Variants in DUSP16 observed in about 807,000 individuals in gnomAD.
DUSP16 encodes dual specificity phosphatase 16.
A neutral mutation model predicts 58.3 loss-of-function variants in DUSP16; 21 were observed. That is an observed-to-expected ratio of 0.36 (90% CI 0.26 to 0.52). The LOEUF is 0.52. Ranked by LOEUF, DUSP16 falls within the 20% of genes least tolerant of loss-of-function variation. The probability of loss-of-function intolerance (pLI) is 0.94; values close to 1 mark genes in which losing one functional copy is unlikely to be tolerated. For synonymous variants in DUSP16, 320 were observed against 323.8 expected, an observed-to-expected ratio of 0.99 and a Z score of 0.12; for missense variants, 726 against 819.0, an observed-to-expected ratio of 0.89 and a Z score of 1.39.
chr12:12,474,347 A>G lies in DUSP16; in HGVS notation c.*2486T>C, dbSNP rs1337696293. Reference sequence around the variant, plus strand: ...GCTGGCCTTACTTCAAAAGAACACTATATTCATATTAAACATTTACAGTCT... The same window carrying G: ...GCTGGCCTTACTTCAAAAGAACACTGTATTCATATTAAACATTTACAGTCT... On this transcript the variant is annotated 3_prime_UTR_variant, in exon 7 of 7. Coordinates refer to ENST00000298573, the MANE Select transcript of DUSP16 (RefSeq NM_030640.3). The G allele has an allele frequency of 3.9e-5, 6 of 152,254 alleles. No homozygotes were observed. Among genetic ancestry groups the G allele is most frequent in the Non-Finnish European group, 8.8e-5 (6 of 68,042 alleles). 9.4% of individuals were successfully genotyped at this position (152,254 alleles called of 1,614,324 possible).
rs754759731 is a variant in DUSP16, at chr12:12,477,743, ACGC to A, written c.1085_1087del (p.Ser362_Val363delinsMet). The A allele has an allele frequency of 3.2e-6, 5 of 1,542,988 alleles. No homozygotes were observed. Among genetic ancestry groups the A allele is most frequent in the South Asian group, 2.9e-5 (2 of 70,086 alleles). On this transcript the variant is annotated inframe_deletion, in exon 7 of 7. Coordinates refer to ENST00000298573, the MANE Select transcript of DUSP16 (RefSeq NM_030640.3). The surrounding 1 kb of genome is among the most constrained non-coding windows in gnomAD (Gnocchi z 4.1). ...TAACAGCGACGGCTGCACGCTGGGC[ACGC>A]TGGGCACGCTGGCGGGATGCACGGG...
intron 1 of DUSP16, among the ~76,000 whole-genome samples, chr12:12,537,644 C>G (rs534566162): frequency 6.6e-6 from 1 of 152,266 alleles, no homozygotes; most frequent in South Asian, 2.1e-4. Context: ...GGCATAGACC[C>G]TAAAAATATG....
chr12:12,547,787 A>G (rs1944668620), intron 1 of DUSP16, among the ~76,000 whole-genome samples: 1 of 152,222 alleles, frequency 6.6e-6, no homozygotes, highest in Non-Finnish European at 1.5e-5. Context: ...GCTGGCAACA[A>G]AGATTTCTCA....
intron 1 of DUSP16, among the ~76,000 whole-genome samples, chr12:12,539,830 C>T (rs904418381): frequency 3.2e-4 from 48 of 151,368 alleles, no homozygotes; most frequent in African/African-American, 1.2e-3. Context: ...GCAGGTGGAC[C>T]ATTTGAGGTC....
intron 4 of DUSP16, among the ~76,000 whole-genome samples, chr12:12,497,450 C>T (rs1389823113): frequency 6.6e-6 from 1 of 152,086 alleles, no homozygotes; most frequent in Non-Finnish European, 1.5e-5. Context: ...ATTACAGCAG[C>T]CTCGGTTTAC....
intron 1 of DUSP16, chr12:12,560,739 A>G (rs1387252916): frequency 6.6e-6 from 1 of 152,224 alleles, no homozygotes; most frequent in Admixed American, 6.5e-5. Context: ...TTCAATTGGT[A>G]CGAAATCTTT....
chr12:12,520,254 T>G (rs540701022), intron 2 of DUSP16, among the ~76,000 whole-genome samples: 1 of 152,218 alleles, frequency 6.6e-6, no homozygotes, highest in Non-Finnish European at 1.5e-5. Context: ...TATAAAATGG[T>G]AAAGTTCATA....
chr12:12,503,073 T>A (rs902478655), intron 3 of DUSP16, among the ~76,000 whole-genome samples: 13 of 102 alleles, frequency 0.13, no homozygotes, highest in African/African-American at 0.24. Flanking sequence ...GTCAAGTTAC[T>A]TAAGCCCCTC....
In DUSP16 at chr12:12,496,371, C is replaced by G. The variant is rs540282299; in HGVS notation, c.531+4148G>C. On this transcript the variant is annotated intron_variant, in intron 4 of 6. Coordinates refer to ENST00000298573, the MANE Select transcript of DUSP16 (RefSeq NM_030640.3). ...TTGTTGCCTAACTCTTCTAAGAAAA[C>G]AACAGAGAATGTAGCAGTCAGTCTT... Among the ~76,000 whole-genome samples, 14 of 152,274 alleles carry G rather than the reference C, an allele frequency of 9.2e-5. No individual in the cohort carries two copies. The South Asian group carries it at 2.7e-3, about 29-fold the overall frequency.
At chr12:12,557,406 G>C (rs555264255) in intron 1 of DUSP16, among the ~76,000 whole-genome samples, 1 of 149,250 alleles carries the variant, frequency 6.7e-6, no homozygotes, top group Non-Finnish European at 1.5e-5. Context: ...GCAGAAAGCC[G>C]AGATGGCGCC....
At chr12:12,490,156 G>A (rs1031733383) in intron 4 of DUSP16, among the ~76,000 whole-genome samples, 7 of 152,120 alleles carry the variant, frequency 4.6e-5, no homozygotes, top group Admixed American at 2.0e-4. Context: ...GGCCTCAAGC[G>A]ATCCTCCTAC....
chr12:12,487,057 G>T lies in DUSP16; in HGVS notation c.662C>A (p.Pro221Gln). 1 of 1,613,976 alleles carries T rather than the reference G, an allele frequency of 6.2e-7. No homozygotes were observed. The highest frequency in any genetic ancestry group is 1.1e-5 in the South Asian group (1 of 91,042). ...VNDSFCEKILPWLDKSVDFIE... is the reference protein window; with the variant it reads ...VNDSFCEKILQWLDKSVDFIE... The stretch of plus-strand genomic sequence containing the variant: ...GAAATCTACTGATTTGTCCAACCAC[G>T]GCAAAATTTTCTCACAAAAGCTGTC... The change falls in exon 5 of 7, where the codon CCG (proline) becomes CAG (glutamine). Residue 221 changes from proline to glutamine, a missense_variant. Transcript: ENST00000298573.
At chr12:12,500,774 C>T (rs1304869399) in intron 3 of DUSP16, 92 bp from the exon 4 acceptor site, 8 of 1,201,532 alleles carry the variant, frequency 6.7e-6, no homozygotes, top group African/African-American at 6.3e-5. Context: ...TTTAAACCCA[C>T]GAATCCAAGT....
chr12:12,537,259 GA>G (rs1944480716), intron 1 of DUSP16, among the ~76,000 whole-genome samples: 1 of 152,136 alleles, frequency 6.6e-6, no homozygotes, highest in Admixed American at 6.5e-5. Context: ...AAACCTAAAT[GA>G]ATTTTAATAC....
intron 4 of DUSP16, among the ~76,000 whole-genome samples, chr12:12,492,566 A>G (rs959982533): frequency 3.9e-5 from 6 of 152,034 alleles, no homozygotes; most frequent in African/African-American, 1.5e-4. Context: ...CCTACCTGCA[A>G]TCAAACAAAC....
rs904994904 is a variant in DUSP16 at position 12,511,673 on chromosome 12, TTC to T, written c.367+8187_367+8188del. Among the ~76,000 whole-genome samples the T allele has an allele frequency of 1.7e-4, 26 of 152,152 alleles. 1 individual carries two copies. Among genetic ancestry groups the T allele is most frequent in the African/African-American group, 6.3e-4 (26 of 41,432 alleles). On this transcript the variant is annotated intron_variant, in intron 3 of 6. Transcript: ENST00000298573. ...TACATTTTAGCAAATGATCATATAC[TTC>T]TCTTTCTTTCATCCACTTTAGGTGC...
chr12:12,481,974 C>G (rs1279440038), intron 5 of DUSP16, among the ~76,000 whole-genome samples: 1 of 152,134 alleles, frequency 6.6e-6, no homozygotes, highest in Non-Finnish European at 1.5e-5. Context: ...TTTCCTAGCC[C>G]CTATTACTTG....
chr12:12,492,115 G>A (rs139584159), intron 4 of DUSP16, among the ~76,000 whole-genome samples: 3 of 152,270 alleles, frequency 2.0e-5, no homozygotes, highest in African/African-American at 7.2e-5. Flanking sequence ...CCATGCCACT[G>A]AACATGGCCA....
At chr12:12,490,424 C>T (rs935786795) in intron 4 of DUSP16, among the ~76,000 whole-genome samples, 4 of 151,100 alleles carry the variant, frequency 2.6e-5, no homozygotes, top group African/African-American at 9.7e-5. Flanking sequence ...CAAAAAAAAA[C>T]CCTTAAATAC....
Sources: gnomAD v4.1 joint callset for allele counts (sites outside exome capture counted in the v4.1 genomes callset) on GRCh38, gnomAD v4.1.1 for gene constraint, Gnocchi (gnomAD v3.1) non-coding constraint, MANE v1.5 for transcripts, NCBI Gene and HGNC (gene_info 2026-07-23, HGNC 2026-07-21) for gene names.